ZXDC: variants seen among roughly 807,000 people sequenced by gnomAD.
ZXDC encodes the protein ZXD family zinc finger C.
ZXDC carries 58 observed loss-of-function variants against 63.6 expected under a neutral mutation model. That is an observed-to-expected ratio of 0.91 (90% CI 0.74 to 1.13). The LOEUF is 1.13. Among genes scored for constraint, ZXDC ranks in the 50% most tolerant of loss-of-function variants. The probability of loss-of-function intolerance (pLI) is 0.00; values close to 1 mark genes in which losing one functional copy is unlikely to be tolerated. For missense variants in ZXDC, 1,133 were observed against 1,148.9 expected (o/e 0.99, Z 0.20); for synonymous variants, 561 against 496.1 (o/e 1.13, Z -1.74).
intron 7 of ZXDC, chr3:126,451,549 T>C (rs1291492914): frequency 1.0e-6 from 1 of 985,226 alleles, no homozygotes; most frequent in Non-Finnish European, 1.2e-6. Flanking sequence ...CATCACAGAG[T>C]GTCCCCAGTG....
At chr3:126,452,591 C>A in intron 7 of ZXDC, 1 of 982,152 alleles carries the variant, frequency 1.0e-6, no homozygotes, top group Non-Finnish European at 1.2e-6. Context: ...ATGCAATTAA[C>A]AGATTTCGTA....
In ZXDC at chr3:126,438,307, A is replaced by G; in HGVS notation, c.*68T>C. Reference sequence around the variant, plus strand: ...AACCAAATGAGGTCTCCCCAGGCTCATGTCATGAGTCTCAGGGAAGGTGTG... The same window carrying G: ...AACCAAATGAGGTCTCCCCAGGCTCGTGTCATGAGTCTCAGGGAAGGTGTG... On this transcript the variant is annotated 3_prime_UTR_variant, in exon 10 of 10. Transcript: ENST00000389709. The G allele has an allele frequency of 7.3e-7, 1 of 1,375,536 alleles. No individual in the cohort carries two copies. Among genetic ancestry groups the G allele is most frequent in the Admixed American group, 1.9e-5 (1 of 52,468 alleles). 85.2% of individuals were successfully genotyped at this position (1,375,536 alleles called of 1,614,324 possible).
At chr3:126,442,931 C>CAT (rs1282196791) in intron 7 of ZXDC, 1 of 152,206 alleles carries the variant, frequency 6.6e-6, no homozygotes, top group Non-Finnish European at 1.5e-5. Flanking sequence ...CTGAGCAGCC[C>CAT]ATGGGGTGAG....
At position 126,460,094 on chromosome 3, in the gene ZXDC, G is replaced by A. The variant is rs561683867; in HGVS notation, c.2128-357C>T. On this transcript the variant is annotated intron_variant, in intron 6 of 9. Coordinates refer to ENST00000389709, the MANE Select transcript of ZXDC (RefSeq NM_025112.5). ...GGGTAACCCAGGGTCACCTTACCGC[G>A]ACACTTTTCACGCTGTTTCACACAC... 1.8e-5 allele frequency: 18 copies of A among 985,362 alleles called. 2 individuals are homozygous for A. In the Admixed American group the frequency reaches 1.0e-3, roughly 57 times the overall value. The allele number at this position is 985,362 out of a possible 1,614,324, so 61.0% of individuals were successfully genotyped here.
chr3:126,464,254 A>T (rs1469630916), intron 5 of ZXDC, among the ~76,000 whole-genome samples: 1 of 152,236 alleles, frequency 6.6e-6, no homozygotes, highest in Non-Finnish European at 1.5e-5. Flanking sequence ...TAGATAGCAG[A>T]GCATCTGGCA....
chr3:126,474,826 C>A (rs941019881), intron 1 of ZXDC, 133 bp downstream of exon 1: 2 of 1,078,122 alleles, frequency 1.9e-6, no homozygotes. Context: ...ATGGAAGGAG[C>A]TAGAATACAA....
chr3:126,451,821 T>G, intron 7 of ZXDC: 3 of 985,278 alleles, frequency 3.0e-6, no homozygotes, highest in Non-Finnish European at 3.6e-6. Flanking sequence ...CTCTGGGAAA[T>G]GATTTAACCT....
At chr3:126,472,504 A>G (rs1431925971) in intron 1 of ZXDC, among the ~76,000 whole-genome samples, 199 bp from the exon 2 acceptor site, 2 of 152,216 alleles carry the variant, frequency 1.3e-5, no homozygotes, top group African/African-American at 2.4e-5. Flanking sequence ...GGCAGCCAAT[A>G]GGCACACGCT....
At chr3:126,440,371 G>A in intron 8 of ZXDC, 2 of 986,164 alleles carry the variant, frequency 2.0e-6, no homozygotes, top group Non-Finnish European at 2.4e-6. Flanking sequence ...GTCAAGGTCT[G>A]CACTACTGTT....
chr3:126,467,413 C>T (rs750881702), intron 4 of ZXDC, among the ~76,000 whole-genome samples: 3 of 152,170 alleles, frequency 2.0e-5, no homozygotes, highest in Non-Finnish European at 4.4e-5. Flanking sequence ...TAAAGCCATA[C>T]CTGCCTACAG....
At chr3:126,452,520 A>C in intron 7 of ZXDC, 1 of 985,396 alleles carries the variant, frequency 1.0e-6, no homozygotes, top group Non-Finnish European at 1.2e-6. Context: ...CCATTTTGTA[A>C]ATCAAATACA....
rs1313581852 is a variant in ZXDC at position 126,441,653 on chromosome 3, C to CAGGCAGGGGGTGCTGCGAT, written c.2394+93_2394+111dup. ...CAGGGGAGGATGCACGAGGGGCAGG[C>CAGGCAGGGGGTGCTGCGAT]AGGCAGGGGGTGCTGCGATGGGCAG... On this transcript the variant is annotated intron_variant, in intron 8 of 9. Transcript: ENST00000389709. 5 of 1,429,942 alleles carry CAGGCAGGGGGTGCTGCGAT rather than the reference C, an allele frequency of 3.5e-6. No homozygotes were observed. The African/African-American group carries it at 7.3e-5, about 21-fold the overall frequency. The allele number at this position is 1,429,942 out of a possible 1,614,324, so 88.6% of individuals were successfully genotyped here. A position where few individuals can be genotyped will look rare whatever the true frequency, so the allele number is the denominator to read the frequency against.
Position 126,461,876 on chromosome 3 carries a change from A to T in ZXDC, c.1786T>A (p.Phe596Ile). The T allele has an allele frequency of 6.2e-7, 1 of 1,614,150 alleles. No homozygotes were observed. The highest frequency in any genetic ancestry group is 8.5e-7 in the Non-Finnish European group (1 of 1,180,024). The part of the protein sequence containing the change: ...TAATVLQQGS[F>I]SVDDVQTVSA... ...ACAGTCTGCACGTCATCCACACTGA[A>T]GCTGCCCTGCTGCAGAACCGTGGCT... Residue 596 changes from phenylalanine (F) to isoleucine (I), a missense_variant, in exon 6 of 10, where the codon TTC becomes ATC. Physicochemically the swap from Phe to Ile is conservative, Grantham distance 21. Coordinates refer to ENST00000389709, the MANE Select transcript of ZXDC (RefSeq NM_025112.5).
At chr3:126,465,715 C>T (rs1934729343) in intron 5 of ZXDC, among the ~76,000 whole-genome samples, 1 of 152,152 alleles carries the variant, frequency 6.6e-6, no homozygotes, top group African/African-American at 2.4e-5. Context: ...CTTTGGGAGG[C>T]TGAGGTGGGC....
At chr3:126,457,788 C>T in intron 7 of ZXDC, 2 of 460,290 alleles carry the variant, frequency 4.3e-6, no homozygotes, top group Non-Finnish European at 5.7e-6. Context: ...TATCTGGTCA[C>T]AATGGTTGCC....
intron 7 of ZXDC, among the ~76,000 whole-genome samples, chr3:126,455,309 T>C (rs1330746089): frequency 1.3e-5 from 2 of 152,240 alleles, no homozygotes; most frequent in Non-Finnish European, 2.9e-5. Flanking sequence ...ATATGTACCA[T>C]ATTATCTAAA....
chr3:126,452,198 C>T (rs779840905), intron 7 of ZXDC: 1 of 985,322 alleles, frequency 1.0e-6, no homozygotes, highest in African/African-American at 1.7e-5. Context: ...TCAGCTGCCA[C>T]AGCCTTGCGT....
rs1934537665 is a variant in ZXDC, at chr3:126,461,565, C to G, written c.2097G>C (p.Glu699Asp). ...PAEQHGAQDT[E>D]LSAGTGNFYL... is the part of the protein sequence containing the mutation. Reference sequence around the variant, plus strand: ...AGAAGTTGCCAGTGCCTGCACTGAGCTCTGTGTCCTGGGCACCGTGCTGCT... The same window carrying G: ...AGAAGTTGCCAGTGCCTGCACTGAGGTCTGTGTCCTGGGCACCGTGCTGCT... The change falls in exon 6 of 10, where the codon GAG (glutamate) becomes GAC (aspartate). Residue 699 changes from glutamate (E) to aspartate (D), a missense_variant. Coordinates refer to ENST00000389709, the MANE Select transcript of ZXDC (RefSeq NM_025112.5). The G allele has an allele frequency of 1.2e-6, 2 of 1,613,732 alleles. No homozygotes were observed. The highest frequency in any genetic ancestry group is 1.7e-6 in the Non-Finnish European group (2 of 1,179,656).
intron 8 of ZXDC, chr3:126,440,518 T>G: frequency 1.0e-6 from 1 of 985,726 alleles, no homozygotes; most frequent in Non-Finnish European, 1.2e-6. Flanking sequence ...TACTTGCTCC[T>G]GTTCTGCCGG....
Sources: gnomAD v4.1 joint callset for allele counts (sites outside exome capture counted in the v4.1 genomes callset) on GRCh38, gnomAD v4.1.1 for gene constraint, MANE v1.5 for transcripts, NCBI Gene and HGNC (gene_info 2026-07-23, HGNC 2026-07-21) for gene names.